UNC13B: variants seen among roughly 807,000 people sequenced by gnomAD.
UNC13B encodes protein unc-13 homolog B.
A neutral mutation model predicts 211.0 loss-of-function variants in UNC13B; 144 were observed. That is an observed-to-expected ratio of 0.68 (90% CI 0.60 to 0.78). The LOEUF (loss-of-function observed/expected upper bound fraction) is 0.78. Among genes scored for constraint, UNC13B ranks in the 30% least tolerant of loss-of-function variants. The pLI is 0.00. For missense variants in UNC13B, 1,777 were observed against 2,002.0 expected (o/e 0.89, Z 2.14); for synonymous variants, 709 against 725.8 (o/e 0.98, Z 0.37).
intron 26 of UNC13B, among the ~76,000 whole-genome samples, chr9:35,395,223 C>G (rs1279226585): frequency 6.6e-6 from 1 of 152,164 alleles, no homozygotes; most frequent in African/African-American, 2.4e-5. Context: ...GAAAAGTCCT[C>G]TTTCTGGGTG....
Position 35,305,762 on chromosome 9 carries a change from A to G in UNC13B, c.6358A>G (p.Ile2120Val), listed in dbSNP as rs1829894388. The G allele has an allele frequency of 2.5e-6, 1 of 398,926 alleles. No individual in the cohort carries two copies. The highest frequency in any genetic ancestry group is 2.1e-5 in the African/African-American group (1 of 48,646). The allele number at this position is 398,926 out of a possible 1,614,324, so 24.7% of individuals were successfully genotyped here. The change falls in exon 9 of 40, where the codon ATA (isoleucine) becomes GTA (valine). Residue 2120 changes from isoleucine (I) to valine (V), a missense_variant. Coordinates refer to ENST00000635942, the MANE Select transcript of UNC13B (RefSeq NM_001371189.2). ...GACAGAAGTTTCAAAAAGTAATGAA[A>G]TATCCTTTGATACCCTGAGCAAGAG... ...TVTEVSKSNE[I>V]SFDTLSKRNS...
At position 35,178,126 on chromosome 9, in the gene UNC13B, T is replaced by C. The variant is rs1312264716; in HGVS notation, c.22+15821T>C. ...GAGGCACGGTGACAGGGTAAACATATACTCAGCATCATCATTATAATATAC... is the reference window on the plus strand; with the variant it reads ...GAGGCACGGTGACAGGGTAAACATACACTCAGCATCATCATTATAATATAC... On this transcript the variant is annotated intron_variant, in intron 1 of 39. Transcript: ENST00000635942. Among the ~76,000 whole-genome samples, 5 of 152,194 alleles carry C rather than the reference T, an allele frequency of 3.3e-5. No individual in the cohort carries two copies. The East Asian group carries it at 9.6e-4, about 29-fold the overall frequency.
At chr9:35,386,401 C>G in intron 24 of UNC13B, 108 bp downstream of exon 24, 1 of 1,456,304 alleles carries the variant, frequency 6.9e-7, no homozygotes, top group Non-Finnish European at 9.3e-7. Flanking sequence ...ACTTGATGTT[C>G]TCAAGGGTGA....
At chr9:35,258,648 C>T (rs10972411) in intron 6 of UNC13B, among the ~76,000 whole-genome samples, 20,769 of 152,188 alleles carry the variant, frequency 0.14, 1,783 homozygotes, top group Admixed American at 0.24. Context: ...ATACATTAGC[C>T]CCAGGAAAAC....
At chr9:35,189,307 C>T (rs918387710) in intron 1 of UNC13B, among the ~76,000 whole-genome samples, 2 of 152,078 alleles carry the variant, frequency 1.3e-5, no homozygotes, top group Non-Finnish European at 2.9e-5. Flanking sequence ...AATTATGTAC[C>T]AGGTGTGGAG....
In UNC13B at chr9:35,320,142, A is replaced by T. The variant is rs184227246; in HGVS notation, c.9414+6153A>T. ...ATTTTCTTTATCCAGTCCACTGTTG[A>T]TGGGTACCTAGGTTGATTTGATGTC... On this transcript the variant is annotated intron_variant, in intron 11 of 39. Coordinates refer to ENST00000635942, the MANE Select transcript of UNC13B (RefSeq NM_001371189.2). Among the ~76,000 whole-genome samples the T allele has an allele frequency of 7.9e-5, 12 of 152,238 alleles. No homozygotes were observed. The East Asian group carries it at 2.3e-3, about 29-fold the overall frequency.
In UNC13B at chr9:35,342,894, TGAGA is replaced by T. The variant is rs961222946; in HGVS notation, c.9415-24044_9415-24041del. On this transcript the variant is annotated intron_variant, in intron 11 of 39. Transcript: ENST00000635942. ...TCCACCCTTCCTGTATGTGTATATG[TGAGA>T]GAGAGAGAAAGAGAGAGAGAGACAG... Among the ~76,000 whole-genome samples the T allele has an allele frequency of 4.6e-5, 7 of 152,134 alleles. 1 individual carries two copies. The highest frequency in any genetic ancestry group is 6.5e-5 in the Admixed American group (1 of 15,278).
At chr9:35,203,124 T>C (rs1317923353) in intron 1 of UNC13B, among the ~76,000 whole-genome samples, 3 of 152,156 alleles carry the variant, frequency 2.0e-5, no homozygotes, top group Non-Finnish European at 2.9e-5. Flanking sequence ...TGCCAGTCTG[T>C]GTCTTTTAAT....
chr9:35,253,294 AC>A (rs1224691798), intron 6 of UNC13B, among the ~76,000 whole-genome samples: 2 of 152,040 alleles, frequency 1.3e-5, no homozygotes, highest in Middle Eastern at 3.4e-3. Flanking sequence ...GGCACACATC[AC>A]CGCACCTAGC....
chr9:35,396,968 C>T, intron 28 of UNC13B, 31 bp downstream of exon 28: 1 of 1,612,440 alleles, frequency 6.2e-7, no homozygotes. Flanking sequence ...GCACCGGGTT[C>T]AGGCCAGGTC....
intron 11 of UNC13B, among the ~76,000 whole-genome samples, chr9:35,335,637 G>A (rs1220098599): frequency 3.3e-5 from 5 of 151,462 alleles, no homozygotes; most frequent in Non-Finnish European, 7.4e-5. Flanking sequence ...ATTTGTTAAC[G>A]ACAGATGAGA....
At chr9:35,261,290 G>A (rs932475523) in intron 7 of UNC13B, among the ~76,000 whole-genome samples, 15 of 152,000 alleles carry the variant, frequency 9.9e-5, no homozygotes, top group African/African-American at 3.6e-4. Context: ...AGCTGCACAT[G>A]CTATAACACA....
intron 37 of UNC13B, among the ~76,000 whole-genome samples, chr9:35,402,781 G>C (rs1836408443): frequency 1.3e-5 from 2 of 152,086 alleles, no homozygotes; most frequent in Non-Finnish European, 2.9e-5. Context: ...CTTTTGGCTA[G>C]AGAGGACCCA....
chr9:35,361,067 A>G (rs374845922), intron 11 of UNC13B: 2 of 152,338 alleles, frequency 1.3e-5, no homozygotes, highest in East Asian at 1.9e-4. Context: ...AGTTAAGGAA[A>G]TGTAGGCTCA....
chr9:35,307,983 C>G lies in UNC13B; in HGVS notation c.8579C>G (p.Ser2860Cys). The G allele has an allele frequency of 2.5e-6, 1 of 399,046 alleles. No homozygotes were observed. Among genetic ancestry groups the G allele is most frequent in the Non-Finnish European group, 4.4e-6 (1 of 226,078 alleles). 24.7% of individuals were successfully genotyped at this position (399,046 alleles called of 1,614,324 possible). The change falls in exon 9 of 40, where the codon TCC (serine) becomes TGC (cysteine). Residue 2860 changes from serine to cysteine, a missense_variant. By Grantham distance (112) the Ser-to-Cys change is moderately radical. Transcript: ENST00000635942. Reference sequence around the variant, plus strand: ...GTCCCTGAACAAATGCCTACAGAATCCTCCCCTCCAGTTTTAGTTACTAGC... The same window carrying G: ...GTCCCTGAACAAATGCCTACAGAATGCTCCCCTCCAGTTTTAGTTACTAGC... ...KGVPEQMPTESSPPVLVTSSD... is the reference protein window; with the variant it reads ...KGVPEQMPTECSPPVLVTSSD...
At chr9:35,341,934 A>G in intron 11 of UNC13B, 1 of 985,596 alleles carries the variant, frequency 1.0e-6, no homozygotes, top group Non-Finnish European at 1.2e-6. Context: ...AGAATTCCAC[A>G]TCCAGTTGAA....
chr9:35,180,475 A>G (rs1197875913), intron 1 of UNC13B, among the ~76,000 whole-genome samples: 1 of 152,012 alleles, frequency 6.6e-6, no homozygotes. Flanking sequence ...TTTTAATACA[A>G]TTTATTCTTT....
intron 1 of UNC13B, among the ~76,000 whole-genome samples, chr9:35,176,786 T>A (rs1821660846): frequency 6.6e-6 from 1 of 152,196 alleles, no homozygotes. Context: ...TATAAGAACA[T>A]GTGTTAAGGA....
intron 1 of UNC13B, among the ~76,000 whole-genome samples, chr9:35,217,102 G>A (rs546137076): frequency 1.3e-5 from 2 of 152,272 alleles, no homozygotes; most frequent in East Asian, 3.9e-4. Flanking sequence ...TGTGGCAATA[G>A]TAACATGGGT....
Sources: allele counts gnomAD v4.1 joint callset (sites outside exome capture counted in the v4.1 genomes callset), GRCh38; gene constraint gnomAD v4.1.1; transcripts MANE v1.5; gene names NCBI Gene and HGNC (gene_info 2026-07-23, HGNC 2026-07-21).